RAD51B: variants seen among roughly 807,000 people sequenced by gnomAD.
The protein encoded by RAD51B is DNA repair protein RAD51 homolog 2.
RAD51B carries 38 observed loss-of-function variants against 42.2 expected under a neutral mutation model. The observed-to-expected ratio is 0.90, with a 90% CI of 0.70 to 1.18. RAD51B has a LOEUF of 1.18. Ranked by LOEUF, RAD51B falls within the 50% of genes most tolerant of loss-of-function variation. The pLI is 0.00. For missense variants in RAD51B, 373 were observed against 400.7 expected (o/e 0.93, Z 0.59); for synonymous variants, 154 against 145.2 (o/e 1.06, Z -0.43).
intron 10 of RAD51B, among the ~76,000 whole-genome samples, chr14:68,573,954 G>A (rs1889836004): frequency 7.1e-6 from 1 of 141,578 alleles, no homozygotes; most frequent in Non-Finnish European, 1.5e-5. Flanking sequence ...GTGTGTGGGG[G>A]TGTGGGTGTG....
intron 8 of RAD51B, among the ~76,000 whole-genome samples, chr14:68,362,664 AGG>A (rs1388367601): frequency 6.6e-6 from 1 of 152,180 alleles, no homozygotes; most frequent in African/African-American, 2.4e-5. Flanking sequence ...CCTGGCTAAC[AGG>A]GTGAAACCCC....
chr14:68,210,653 T>G (rs1233949692), intron 7 of RAD51B, among the ~76,000 whole-genome samples: 1 of 152,198 alleles, frequency 6.6e-6, no homozygotes, highest in Non-Finnish European at 1.5e-5. Flanking sequence ...ATAGTTTTCT[T>G]ACCTGTAACA....
chr14:68,119,707 C>G (rs1225496829), intron 7 of RAD51B, among the ~76,000 whole-genome samples: 1 of 151,418 alleles, frequency 6.6e-6, no homozygotes, highest in Non-Finnish European at 1.5e-5. Flanking sequence ...TTTTCTTAAT[C>G]CAGTCTATCA....
Position 68,411,508 on chromosome 14 carries a change from T to G in RAD51B, c.938T>G (p.Leu313Arg), listed in dbSNP as rs1324309600. The part of the protein sequence containing the change: ...SVNTRLILQY[L>R]DSERRQILIA... The stretch of plus-strand genomic sequence containing the variant: ...AATACCCGGCTGATCCTCCAGTACC[T>G]TGATTCAGAGAGAAGACAGGTGGGT... Residue 313 changes from leucine (L) to arginine (R), a missense_variant, in exon 9 of 11, where the codon CTT (leucine) becomes CGT (arginine). By Grantham distance (102) the Leu-to-Arg change is moderately radical (BLOSUM62 -2). Coordinates refer to ENST00000471583, the MANE Select transcript of RAD51B (RefSeq NM_133510.4). The G allele has an allele frequency of 6.2e-7, 1 of 1,614,048 alleles. No homozygotes were observed. The highest frequency in any genetic ancestry group is 2.2e-5 in the East Asian group (1 of 44,878).
intron 7 of RAD51B, among the ~76,000 whole-genome samples, chr14:68,075,493 A>T (rs1009654501): frequency 6.6e-6 from 1 of 151,736 alleles, no homozygotes; most frequent in African/African-American, 2.4e-5. Flanking sequence ...AAGACTAGGG[A>T]GGTGGAGGCT....
chr14:68,234,744 C>T (rs925221784), intron 7 of RAD51B, among the ~76,000 whole-genome samples: 5 of 152,012 alleles, frequency 3.3e-5, no homozygotes, highest in African/African-American at 4.8e-5. Context: ...AGTGAGTGCA[C>T]GGTAAGTAAA....
chr14:68,005,969 A>G (rs766763997), intron 7 of RAD51B, among the ~76,000 whole-genome samples: 8 of 152,042 alleles, frequency 5.3e-5, no homozygotes, highest in African/African-American at 2.4e-5. Context: ...TAGCAGGAGG[A>G]AGAGAGAGAG....
chr14:68,623,487 C>A (rs1024849464), intron 10 of RAD51B, among the ~76,000 whole-genome samples: 2 of 152,224 alleles, frequency 1.3e-5, no homozygotes, highest in Admixed American at 6.5e-5. Flanking sequence ...AAAAGGCCAA[C>A]ATGCATAGAA....
intron 7 of RAD51B, among the ~76,000 whole-genome samples, chr14:68,235,861 A>C (rs2080244006): frequency 6.6e-6 from 1 of 152,200 alleles, no homozygotes; most frequent in South Asian, 2.1e-4. Context: ...TACACTGTAG[A>C]ATACTACACA....
chr14:68,639,600 T>C (rs1280794121), intron 10 of RAD51B, among the ~76,000 whole-genome samples: 2 of 151,852 alleles, frequency 1.3e-5, no homozygotes, highest in Non-Finnish European at 2.9e-5. Context: ...TATTTAGGAA[T>C]TAGGAGGAAG....
At chr14:68,463,133 C>G (rs946747511) in intron 9 of RAD51B, among the ~76,000 whole-genome samples, 4 of 152,134 alleles carry the variant, frequency 2.6e-5, no homozygotes, top group Admixed American at 6.5e-5. Flanking sequence ...GATGGATGAA[C>G]ATCTGAACCA....
intron 8 of RAD51B, among the ~76,000 whole-genome samples, chr14:68,329,744 G>A (rs1348010803): frequency 6.6e-6 from 1 of 152,168 alleles, no homozygotes; most frequent in African/African-American, 2.4e-5. Flanking sequence ...CACTTTGGGA[G>A]GCCGAGGCAG....
At chr14:68,212,721 T>C (rs2079736395) in intron 7 of RAD51B, among the ~76,000 whole-genome samples, 1 of 152,208 alleles carries the variant, frequency 6.6e-6, no homozygotes, top group East Asian at 1.9e-4. Flanking sequence ...GCACAGGACA[T>C]TGATCTTCAG....
chr14:68,370,244 T>G (rs563059706), intron 8 of RAD51B, among the ~76,000 whole-genome samples: 1 of 152,226 alleles, frequency 6.6e-6, no homozygotes, highest in East Asian at 1.9e-4. Context: ...CATATAGCCA[T>G]TGGCAGAAAT....
Position 67,901,642 on chromosome 14 carries a change from C to T in RAD51B, c.756+14438C>T, listed in dbSNP as rs957405394. Among the ~76,000 whole-genome samples, 5 of 152,154 alleles carry T rather than the reference C, an allele frequency of 3.3e-5. No homozygotes were observed. The East Asian group carries it at 9.6e-4, about 29-fold the overall frequency. On this transcript the variant is annotated intron_variant, in intron 7 of 10. Transcript: ENST00000471583. ...GTAGAAGGTACCCAGAATCACAATA[C>T]AGTTCACAGTAACAAAGATATGGAA...
intron 9 of RAD51B, among the ~76,000 whole-genome samples, chr14:68,418,324 C>T (rs556285634): frequency 2.0e-5 from 3 of 152,274 alleles, no homozygotes; most frequent in East Asian, 1.9e-4. Flanking sequence ...CTCTTTGAGG[C>T]GCATGAGCTC....
In RAD51B at chr14:67,887,103, G is replaced by A. The variant is rs369286040; in HGVS notation, c.655G>A (p.Glu219Lys). 26 of 1,596,162 alleles carry A rather than the reference G, an allele frequency of 1.6e-5. No homozygotes were observed. The highest frequency in any genetic ancestry group is 2.2e-5 in the Non-Finnish European group (26 of 1,164,960). ...LDSVASVVRK[E>K]FDAQLQGNLK... is the part of the protein sequence containing the mutation. ...CTCTGTTGCTTCTGTGGTCAGAAAGGAGTTTGATGCACAACTTCAAGGCAA... is the reference window on the plus strand; with the variant it reads ...CTCTGTTGCTTCTGTGGTCAGAAAGAAGTTTGATGCACAACTTCAAGGCAA... Residue 219 changes from glutamate to lysine, a missense_variant, in exon 7 of 11, where the codon GAG becomes AAG. Physicochemically the swap from Glu to Lys is moderately conservative, Grantham distance 56 (BLOSUM62 1). Transcript: ENST00000471583.
intron 7 of RAD51B, among the ~76,000 whole-genome samples, chr14:68,190,243 G>T (rs1241394620): frequency 1.3e-5 from 2 of 152,022 alleles, no homozygotes; most frequent in Non-Finnish European, 1.5e-5. Flanking sequence ...TTTACATTAG[G>T]CACTCAAAGA....
At chr14:68,061,576 G>A (rs2076569614) in intron 7 of RAD51B, among the ~76,000 whole-genome samples, 1 of 151,880 alleles carries the variant, frequency 6.6e-6, no homozygotes, top group African/African-American at 2.4e-5. Flanking sequence ...TTTCACCAGT[G>A]TTTTATAGTT....
Sources: allele counts gnomAD v4.1 joint callset (sites outside exome capture counted in the v4.1 genomes callset), GRCh38; gene constraint gnomAD v4.1.1; transcripts MANE v1.5; gene names NCBI Gene and HGNC (gene_info 2026-07-23, HGNC 2026-07-21).